The following TGFB2 variants were observed in gnomAD, a reference collection of about 807,000 sequenced individuals.
The protein encoded by TGFB2 is transforming growth factor beta-2 proprotein.
In TGFB2, 13 loss-of-function variants were observed where a neutral mutation model predicts 42.7. The ratio of observed to expected loss-of-function variants is 0.30; its 90% CI spans 0.20 to 0.48. The LOEUF (loss-of-function observed/expected upper bound fraction) is 0.48, where lower values mean the gene tolerates loss of function less well. TGFB2 is among the 20% of genes least tolerant of loss of function. The pLI, the probability that TGFB2 is intolerant of heterozygous loss-of-function variation, is 0.99. For synonymous variants in TGFB2, 193 were observed against 193.6 expected (o/e 1.00, Z 0.03); for missense variants, 390 against 517.5 (o/e 0.75, Z 2.39).
chr1:218,387,834 A>G (rs10482759), intron 1 of TGFB2, among the ~76,000 whole-genome samples: 1,998 of 152,262 alleles, frequency 0.013, 48 homozygotes, highest in African/African-American at 0.043. Context: ...TGATGACTCT[A>G]TGTTGCCTGG....
At chr1:218,399,160 A>AT (rs768457931) in intron 1 of TGFB2, among the ~76,000 whole-genome samples, 1 of 152,314 alleles carries the variant, frequency 6.6e-6, no homozygotes, top group Admixed American at 6.5e-5. Flanking sequence ...GAGTGCTGGG[A>AT]TTTTAGGCAT....
chr1:218,365,664 ATT>A (rs146829350), intron 1 of TGFB2, among the ~76,000 whole-genome samples: 2,705 of 141,732 alleles, frequency 0.019, 72 homozygotes, highest in African/African-American at 0.063. Flanking sequence ...GGGGCTCTGC[ATT>A]TTTTTTTTTT....
intron 2 of TGFB2, among the ~76,000 whole-genome samples, chr1:218,410,021 A>T (rs951894772): frequency 1.3e-5 from 2 of 152,210 alleles, no homozygotes; most frequent in African/African-American, 2.4e-5. Flanking sequence ...GACTAACCAC[A>T]GTTTCCTTCA....
rs561412458 is a variant in TGFB2, at chr1:218,426,531, T to G, written c.511-7551T>G. 8.5e-5 allele frequency among the ~76,000 whole-genome samples: 13 copies of G among 152,282 alleles called. No individual in the cohort carries two copies. In the South Asian group the frequency reaches 2.7e-3, roughly 32 times the overall value. The stretch of plus-strand genomic sequence containing the variant: ...GCTTGGAGCCTTGCTGAAGGCGATA[T>G]GTGGGTATTTCACACATATTATATC... On this transcript the variant is annotated intron_variant, in intron 2 of 6. Coordinates refer to ENST00000366930, the MANE Select transcript of TGFB2 (RefSeq NM_003238.6).
chr1:218,422,099 A>T (rs1177730019), intron 2 of TGFB2, among the ~76,000 whole-genome samples: 2 of 152,166 alleles, frequency 1.3e-5, no homozygotes, highest in Non-Finnish European at 1.5e-5. Context: ...CTATCAAGCC[A>T]ACTCTCCCTA....
rs146829350 is a variant in TGFB2, at chr1:218,365,664, ATTT to A, written c.346+18630_346+18632del. 3.1e-3 allele frequency among the ~76,000 whole-genome samples: 438 copies of A among 141,800 alleles called. 3 individuals are homozygous for A. Among genetic ancestry groups the A allele is most frequent in the African/African-American group, 0.011 (424 of 38,970 alleles). The allele number at this position is 141,800 out of a possible 152,430, so 93.0% of individuals were successfully genotyped here. ...AGGCTGCTGAGCAGTGGGGCTCTGC[ATTT>A]TTTTTTTTTTTTGTCTCTGTTCTTA... On this transcript the variant is annotated intron_variant, in intron 1 of 6. Transcript: ENST00000366930.
chr1:218,385,836 G>A (rs1299922152), intron 1 of TGFB2, among the ~76,000 whole-genome samples: 3 of 152,158 alleles, frequency 2.0e-5, no homozygotes, highest in Non-Finnish European at 4.4e-5. Context: ...AGTGTCACAG[G>A]TTGTCACAGT....
intron 1 of TGFB2, among the ~76,000 whole-genome samples, chr1:218,361,347 A>G (rs1346489446): frequency 6.6e-6 from 1 of 152,242 alleles, no homozygotes; most frequent in Non-Finnish European, 1.5e-5. Context: ...ATGCTGTTTT[A>G]TAGCAGAGTG....
intron 2 of TGFB2, among the ~76,000 whole-genome samples, chr1:218,419,475 G>T (rs547225907): frequency 6.6e-6 from 1 of 152,048 alleles, no homozygotes; most frequent in Admixed American, 6.6e-5. Flanking sequence ...TTCATTATCT[G>T]CCATATTTGA....
chr1:218,353,117 A>AT (rs1215252875), intron 1 of TGFB2, among the ~76,000 whole-genome samples: 9 of 152,290 alleles, frequency 5.9e-5, no homozygotes, highest in African/African-American at 2.2e-4. Context: ...CATGCCATTG[A>AT]TTTTAAGAGA....
chr1:218,432,156 G>A (rs946187862), intron 2 of TGFB2, among the ~76,000 whole-genome samples: 1 of 152,140 alleles, frequency 6.6e-6, no homozygotes, highest in Non-Finnish European at 1.5e-5. Flanking sequence ...CTTGTTCACT[G>A]GGAGGCATTG....
chr1:218,399,770 A>G (rs1055894986), intron 1 of TGFB2, among the ~76,000 whole-genome samples: 3 of 151,780 alleles, frequency 2.0e-5, no homozygotes, highest in African/African-American at 7.3e-5. Context: ...CTCCTCTTCT[A>G]ATTTGGTCTG....
intron 1 of TGFB2, among the ~76,000 whole-genome samples, chr1:218,368,717 T>G (rs6662137): frequency 0.41 from 61,757 of 151,930 alleles, 13,718 homozygotes; most frequent in African/African-American, 0.6. Flanking sequence ...ACTTGAAGGA[T>G]GTTAGAGAGT....
intron 5 of TGFB2, 131 bp from the exon 6 acceptor site, chr1:218,437,212 A>G (rs1659997823): frequency 2.2e-6 from 2 of 907,908 alleles, no homozygotes; most frequent in Non-Finnish European, 3.3e-6. Context: ...CTGGCCCATG[A>G]TATTTGCTCA....
At chr1:218,398,330 C>T (rs759741917) in intron 1 of TGFB2, among the ~76,000 whole-genome samples, 9 of 152,218 alleles carry the variant, frequency 5.9e-5, no homozygotes, top group South Asian at 2.1e-4. Context: ...TCAACATTCA[C>T]GCACTTTCTT....
intron 2 of TGFB2, among the ~76,000 whole-genome samples, chr1:218,422,709 G>A (rs1389687090): frequency 2.6e-5 from 4 of 152,024 alleles, no homozygotes; most frequent in East Asian, 3.9e-4. Context: ...TGAACACATC[G>A]TTTTAAGTTT....
rs1309844427 is a variant in TGFB2 at position 218,434,446 on chromosome 1, C to G, written c.752C>G (p.Ala251Gly). ...AGTGAAGAACTAGAAGCAAGATTTG[C>G]AGGTAACCAAAACTTGGTCATATGA... is the stretch of plus-strand genomic sequence containing the variant. Reference protein sequence around the residue: ...NKSEELEARFAGIDGTSTYTS... With the variant: ...NKSEELEARFGGIDGTSTYTS... Residue 251 changes from alanine (A) to glycine (G), a missense_variant and splice_region_variant, in exon 4 of 7, where the codon GCA becomes GGA. Coordinates refer to ENST00000366930, the MANE Select transcript of TGFB2 (RefSeq NM_003238.6). 4 of 1,603,768 alleles carry G rather than the reference C, an allele frequency of 2.5e-6. No individual in the cohort carries two copies. Among genetic ancestry groups the G allele is most frequent in the Non-Finnish European group, 3.4e-6 (4 of 1,171,280 alleles).
chr1:218,347,258 C>T (rs1313108755), intron 1 of TGFB2, among the ~76,000 whole-genome samples: 1 of 152,216 alleles, frequency 6.6e-6, no homozygotes, highest in Non-Finnish European at 1.5e-5. Context: ...TTTTCTCCAT[C>T]TTTCCCTTCC....
chr1:218,411,864 CA>C (rs34140547), intron 2 of TGFB2, among the ~76,000 whole-genome samples: 11,471 of 88,702 alleles, frequency 0.13, 1,017 homozygotes, highest in African/African-American at 0.3. Context: ...AATTCAGTCT[CA>C]AAAAAAAAAA....
Sources: gnomAD v4.1 joint callset for allele counts (sites outside exome capture counted in the v4.1 genomes callset) on GRCh38, gnomAD v4.1.1 for gene constraint, MANE v1.5 for transcripts, NCBI Gene and HGNC (gene_info 2026-07-23, HGNC 2026-07-21) for gene names.